ACSF3: variants seen among roughly 807,000 people sequenced by gnomAD.
ACSF3 encodes malonate--CoA ligase ACSF3, mitochondrial.
A neutral mutation model predicts 53.2 loss-of-function variants in ACSF3; 78 were observed. That is an observed-to-expected ratio of 1.47 (90% CI 1.22 to 1.77). The LOEUF is 1.77. ACSF3 is among the 40% of genes most tolerant of loss of function. The pLI, the probability that ACSF3 is intolerant of heterozygous loss-of-function variation, is 0.00. For synonymous variants in ACSF3, 414 were observed against 333.1 expected, an observed-to-expected ratio of 1.24 and a Z score of -2.65; for missense variants, 937 against 771.1, an observed-to-expected ratio of 1.22 and a Z score of -2.55.
intron 4 of ACSF3, among the ~76,000 whole-genome samples, chr16:89,109,518 TCTC>T (rs1215119302): frequency 6.8e-6 from 1 of 147,070 alleles, no homozygotes; most frequent in East Asian, 2.2e-4. Context: ...TTCAAGCGCT[TCTC>T]CTGCCTCAGC....
At position 89,146,135 on chromosome 16, in the gene ACSF3, G is replaced by A. The variant is rs367823220; in HGVS notation, c.1613+86G>A. 2.5e-4 allele frequency: 240 copies of A among 974,772 alleles called. No individual in the cohort carries two copies. In the East Asian group the frequency reaches 3.9e-3, roughly 16 times the overall value. The allele number at this position is 974,772 out of a possible 1,614,324, so 60.4% of individuals were successfully genotyped here. A position where few individuals can be genotyped will look rare whatever the true frequency, so the allele number is the denominator to read the frequency against. The stretch of plus-strand genomic sequence containing the variant: ...GCCACCCTAGGTATTGGCATCGTCC[G>A]TCTTAGAGGTGGAGATGAGGGATCA... On this transcript the variant is annotated intron_variant, in intron 10 of 10. Transcript: ENST00000614302.
intron 9 of ACSF3, 68 bp from the exon 10 acceptor site, chr16:89,145,870 A>G (rs1912838399): frequency 7.4e-7 from 1 of 1,350,430 alleles, no homozygotes; most frequent in South Asian, 1.2e-5. Flanking sequence ...CTGTGTGTCC[A>G]GGCACTCTTC....
rs958035852 is a variant in ACSF3, at chr16:89,114,638, G to A, written c.1126+151G>A. The A allele has an allele frequency of 6.8e-5, 76 of 1,113,802 alleles. No homozygotes were observed. In the African/African-American group the frequency reaches 1.1e-3, roughly 16 times the overall value. The allele number at this position is 1,113,802 out of a possible 1,614,324, so 69.0% of individuals were successfully genotyped here. A position where few individuals can be genotyped will look rare whatever the true frequency, so the allele number is the denominator to read the frequency against. On this transcript the variant is annotated intron_variant, in intron 6 of 10. Coordinates refer to ENST00000614302, the MANE Select transcript of ACSF3 (RefSeq NM_001243279.3). ...GCCACTCGGCCAGGAGAGCACTCAG[G>A]ATGCACTGCGACCTGTCCCCTCTGG...
intron 2 of ACSF3, 145 bp downstream of exon 2, chr16:89,098,908 A>G (rs1974935815): frequency 2.5e-6 from 1 of 396,956 alleles, no homozygotes; most frequent in African/African-American, 2.1e-5. Flanking sequence ...CATCATTGTC[A>G]AAATAATACT....
chr16:89,121,488 C>A (rs542873702), intron 7 of ACSF3, among the ~76,000 whole-genome samples: 3 of 152,342 alleles, frequency 2.0e-5, no homozygotes, highest in African/African-American at 7.2e-5. Flanking sequence ...GACATTGTCT[C>A]ATTTCTGTGA....
chr16:89,154,845 G>A lies in ACSF3; in HGVS notation c.*638G>A. 2.2e-6 allele frequency: 1 copy of A among 454,164 alleles called. No individual in the cohort carries two copies. Among genetic ancestry groups the A allele is most frequent in the Non-Finnish European group, 4.4e-6 (1 of 226,800 alleles). 28.1% of individuals were successfully genotyped at this position (454,164 alleles called of 1,614,324 possible). A position where few individuals can be genotyped will look rare whatever the true frequency, so the allele number is the denominator to read the frequency against. The stretch of plus-strand genomic sequence containing the variant: ...TGTCCATCAGCATGTGTCACAGAAA[G>A]TGCGTGGACGGATGGCCCCGGAGCT... On this transcript the variant is annotated 3_prime_UTR_variant, in exon 11 of 11. Coordinates refer to ENST00000614302, the MANE Select transcript of ACSF3 (RefSeq NM_001243279.3).
chr16:89,155,030 C>T lies in ACSF3; in HGVS notation c.*823C>T, dbSNP rs1043044894. 2.2e-6 allele frequency: 1 copy of T among 454,098 alleles called. No homozygotes were observed. The highest frequency in any genetic ancestry group is 4.4e-6 in the Non-Finnish European group (1 of 226,790). The allele number at this position is 454,098 out of a possible 1,614,324, so 28.1% of individuals were successfully genotyped here. A position where few individuals can be genotyped will look rare whatever the true frequency, so the allele number is the denominator to read the frequency against. On this transcript the variant is annotated 3_prime_UTR_variant, in exon 11 of 11. Transcript: ENST00000614302. Reference sequence around the variant, plus strand: ...TCATGTCTGTGGCTCACCAGCTTTTCCCCAGACCCAGCTCCGGAGCCCACA... The same window carrying T: ...TCATGTCTGTGGCTCACCAGCTTTTTCCCAGACCCAGCTCCGGAGCCCACA...
At chr16:89,100,266 G>A (rs952014861) in intron 2 of ACSF3, among the ~76,000 whole-genome samples, 18 of 152,264 alleles carry the variant, frequency 1.2e-4, no homozygotes, top group African/African-American at 4.1e-4. Flanking sequence ...GTGAGCGGGG[G>A]CTGTGCTGAG....
At chr16:89,110,749 A>G (rs547216412) in intron 4 of ACSF3, among the ~76,000 whole-genome samples, 1 of 152,334 alleles carries the variant, frequency 6.6e-6, no homozygotes, top group African/African-American at 2.4e-5. Context: ...TGTGGGAAGA[A>G]CTGCCATCTT....
At chr16:89,130,642 G>C (rs1909088850) in intron 7 of ACSF3, among the ~76,000 whole-genome samples, 1 of 152,098 alleles carries the variant, frequency 6.6e-6, no homozygotes, top group Non-Finnish European at 1.5e-5. Context: ...AGAAATCAGT[G>C]GGCGCAGGAA....
At chr16:89,129,726 A>T (rs759001746) in intron 7 of ACSF3, among the ~76,000 whole-genome samples, 46 of 152,118 alleles carry the variant, frequency 3.0e-4, no homozygotes, top group Non-Finnish European at 4.4e-5. Context: ...ATTTTTTCAT[A>T]TTCCATTTTA....
intron 7 of ACSF3, among the ~76,000 whole-genome samples, chr16:89,124,143 T>C (rs1461960690): frequency 6.6e-6 from 1 of 151,436 alleles, no homozygotes; most frequent in African/African-American, 2.4e-5. Context: ...ACATGCAGTG[T>C]CCACACAAGT....
intron 4 of ACSF3, among the ~76,000 whole-genome samples, chr16:89,108,575 A>T (rs1976302233): frequency 6.6e-6 from 1 of 152,148 alleles, no homozygotes; most frequent in South Asian, 2.1e-4. Context: ...GGCAACCACG[A>T]ATCTGCTTTC....
At position 89,101,179 on chromosome 16, in the gene ACSF3, G is replaced by A. The variant is rs748625786; in HGVS notation, c.498G>A (p.Pro166=). The change falls in exon 3 of 11, where the codon CCG becomes CCA. Residue 166 remains proline (P), a synonymous_variant. Transcript: ENST00000614302. ...CGGTGGTCAGGAAGCTGGGGGTCCC[G>A]CTGCTGCCGCTCACACCAGCCATCT... is the stretch of plus-strand genomic sequence containing the variant. The part of the protein sequence containing the change: ...LSPVVRKLGV[P]LLPLTPAIYT... 1.2e-5 allele frequency: 20 copies of A among 1,607,330 alleles called. No homozygotes were observed. The highest frequency in any genetic ancestry group is 9.9e-5 in the South Asian group (9 of 90,616).
At chr16:89,096,612 C>T (rs958037272) in intron 1 of ACSF3, among the ~76,000 whole-genome samples, 1 of 152,182 alleles carries the variant, frequency 6.6e-6, no homozygotes, top group African/African-American at 2.4e-5. Context: ...AAATCAGCAC[C>T]TCGTTGGAGG....
intron 10 of ACSF3, chr16:89,151,868 A>C (rs1458927840): frequency 1.3e-5 from 2 of 152,280 alleles, no homozygotes; most frequent in African/African-American, 4.8e-5. Context: ...CGGCCTCCCG[A>C]AGTCCTGGAA....
At chr16:89,098,785 T>A in intron 2 of ACSF3, 22 bp downstream of exon 2, 1 of 454,208 alleles carries the variant, frequency 2.2e-6, no homozygotes, top group Non-Finnish European at 4.4e-6. Flanking sequence ...CTTGGCCTCC[T>A]TTGCTTTTCT....
intron 4 of ACSF3, among the ~76,000 whole-genome samples, chr16:89,106,245 G>A (rs937359110): frequency 2.0e-5 from 3 of 151,992 alleles, no homozygotes; most frequent in African/African-American, 7.3e-5. Context: ...GACCTTCACC[G>A]TTTTTGACAC....
In ACSF3 at chr16:89,145,959, C is replaced by T. The variant is rs748802669; in HGVS notation, c.1523C>T (p.Pro508Leu). 8.1e-6 allele frequency: 13 copies of T among 1,600,808 alleles called. No homozygotes were observed. The highest frequency in any genetic ancestry group is 3.3e-4 in the Middle Eastern group (2 of 5,996). The change falls in exon 10 of 11, where the codon CCG (proline) becomes CTG (leucine). Residue 508 changes from proline (P) to leucine (L), a missense_variant. Coordinates refer to ENST00000614302, the MANE Select transcript of ACSF3 (RefSeq NM_001243279.3). ...GCAGATGTGGCTGTGATTGGAGTTCCGGATATGACATGGGGCCAGCGGGTC... is the reference window on the plus strand; with the variant it reads ...GCAGATGTGGCTGTGATTGGAGTTCTGGATATGACATGGGGCCAGCGGGTC... ...SITDVAVIGV[P>L]DMTWGQRVTA...
Sources: gnomAD v4.1 joint callset for allele counts (sites outside exome capture counted in the v4.1 genomes callset) on GRCh38, gnomAD v4.1.1 for gene constraint, MANE v1.5 for transcripts, NCBI Gene and HGNC (gene_info 2026-07-23, HGNC 2026-07-21) for gene names.